The following VSX1 variants were observed in gnomAD, a reference collection of about 807,000 sequenced individuals.
The protein encoded by VSX1 is visual system homeobox 1, also known as homeodomain protein RINX.
In VSX1, 23 loss-of-function variants were observed where a neutral mutation model predicts 23.6. That is an observed-to-expected ratio of 0.97 (90% CI 0.70 to 1.38). VSX1 has a LOEUF of 1.38. Ranked by LOEUF, VSX1 falls within the 40% of genes most tolerant of loss-of-function variation. The pLI is 0.00. For missense variants in VSX1, 517 were observed against 495.4 expected, an observed-to-expected ratio of 1.04 and a Z score of -0.41; for synonymous variants, 247 against 215.1, an observed-to-expected ratio of 1.15 and a Z score of -1.30.
downstream of VSX1, chr20:25,071,864 G>C: frequency 1.4e-6 from 1 of 716,114 alleles, no homozygotes; most frequent in Non-Finnish European, 2.6e-6. Flanking sequence ...TCCTGAGGCA[G>C]AACAATGCTA....
At chr20:25,073,453 T>A (rs2089423596), downstream of VSX1, among the ~76,000 whole-genome samples, 1 of 152,236 alleles carries the variant, frequency 6.6e-6, no homozygotes, top group Admixed American at 6.5e-5. Context: ...ACCTATTGGT[T>A]GGCTGGTTAC....
intron 4 of VSX1, 73 bp from the exon 5 acceptor site, chr20:25,076,623 CT>C: frequency 6.7e-7 from 1 of 1,486,408 alleles, no homozygotes; most frequent in Non-Finnish European, 9.0e-7. Context: ...AAATTTCCTT[CT>C]TATTGTTCTC....
Position 25,076,544 on chromosome 20 carries a change from T to C in VSX1, c.815A>G (p.His272Arg). 1.2e-6 allele frequency: 2 copies of C among 1,600,366 alleles called. No homozygotes were observed. Among genetic ancestry groups the C allele is most frequent in the East Asian group, 4.5e-5 (2 of 44,738 alleles). The change falls in exon 5 of 5, where the codon CAT becomes CGT. Residue 272 changes from histidine (H) to arginine (R), a missense_variant. Physicochemically the swap from His to Arg is conservative, Grantham distance 29 (BLOSUM62 0). Coordinates refer to ENST00000376709, the MANE Select transcript of VSX1 (RefSeq NM_014588.6). ...CCTTATCATCCCCATGGATTTTTTA[T>C]GCATCCCTTGTAAAAAAAAAAATAA... ...GSCAPWLLGM[H>R]KKSMGMIRKP...
At chr20:25,077,581 G>A (rs1453162940) in intron 4 of VSX1, 104 bp downstream of exon 4, 2 of 1,357,098 alleles carry the variant, frequency 1.5e-6, no homozygotes, top group Non-Finnish European at 2.0e-6. Context: ...TCAGTAAACT[G>A]ACGTTGCTTT....
downstream of VSX1, among the ~76,000 whole-genome samples, chr20:25,073,765 T>A (rs2089430357): frequency 6.6e-6 from 1 of 152,180 alleles, no homozygotes; most frequent in Non-Finnish European, 1.5e-5. Flanking sequence ...CCAGTGACCT[T>A]GCAGGGACAA....
At chr20:25,081,272 T>C (rs2089635159) in intron 1 of VSX1, among the ~76,000 whole-genome samples, 1 of 152,212 alleles carries the variant, frequency 6.6e-6, no homozygotes, top group Non-Finnish European at 1.5e-5. Flanking sequence ...TGGTACCTTG[T>C]TCGGTGCTGC....
In VSX1 at chr20:25,077,620, C is replaced by A. The variant is rs894502458; in HGVS notation, c.808+65G>T. 45 of 1,522,124 alleles carry A rather than the reference C, an allele frequency of 3.0e-5. No individual in the cohort carries two copies. The African/African-American group carries it at 4.9e-4, about 17-fold the overall frequency. 94.3% of individuals were successfully genotyped at this position (1,522,124 alleles called of 1,614,324 possible). On this transcript the variant is annotated intron_variant, in intron 4 of 4. Transcript: ENST00000376709. ...TTGGAAATGGCTGCCTCGGTGGGGA[C>A]ACCCTGGGATTCCCCCACCTCCTAC... is the stretch of plus-strand genomic sequence containing the variant.
At position 25,076,039 on chromosome 20, in the gene VSX1, T is replaced by C; in HGVS notation, c.*222A>G. 1 of 615,654 alleles carries C rather than the reference T, an allele frequency of 1.6e-6. No individual in the cohort carries two copies. The highest frequency in any genetic ancestry group is 2.8e-6 in the Non-Finnish European group (1 of 356,782). The allele number at this position is 615,654 out of a possible 1,614,324, so 38.1% of individuals were successfully genotyped here. ...ATCAAAAGTTTTGCACCAAGTTAAC[T>C]GGTTAAAGTGCCATTAAGGAACCGT... On this transcript the variant is annotated 3_prime_UTR_variant, in exon 5 of 5. Coordinates refer to ENST00000376709, the MANE Select transcript of VSX1 (RefSeq NM_014588.6).
chr20:25,080,675 C>G (rs1301229205), intron 1 of VSX1, among the ~76,000 whole-genome samples: 1 of 152,182 alleles, frequency 6.6e-6, no homozygotes. Flanking sequence ...GATTTAGCTG[C>G]CTTTGGTTTT....
chr20:25,074,096 G>C (rs1213279454), downstream of VSX1, among the ~76,000 whole-genome samples: 1 of 152,140 alleles, frequency 6.6e-6, no homozygotes, highest in Admixed American at 6.5e-5. Context: ...GATATTAATA[G>C]AAATGCCAAT....
downstream of VSX1, chr20:25,075,379 T>A (rs530535055): frequency 6.6e-6 from 1 of 152,118 alleles, no homozygotes; most frequent in Non-Finnish European, 1.5e-5. Flanking sequence ...TGTCCCCAGA[T>A]TGAGAAGGGG....
Position 25,079,464 on chromosome 20 carries a change from A to G in VSX1, c.475T>C (p.Leu159=), listed in dbSNP as rs74315434. 8 of 1,612,832 alleles carry G rather than the reference A, an allele frequency of 5.0e-6. No individual in the cohort carries two copies. In the African/African-American group the frequency reaches 1.1e-4, roughly 22 times the overall value. Residue 159 remains leucine (L), a synonymous_variant, in exon 2 of 5, where the codon TTG becomes CTG. Coordinates refer to ENST00000376709, the MANE Select transcript of VSX1 (RefSeq NM_014588.6). ...TGCCGCCGCTTCTTCCTCTTGCCCA[A>G]GGTGGGGGATGCCTTTAGGTCATTC... is the stretch of plus-strand genomic sequence containing the variant. ...DRNDLKASPT[L]GKRKKRRHRT... is the part of the protein sequence containing the mutation.
intron 4 of VSX1, among the ~76,000 whole-genome samples, 156 bp downstream of exon 4, chr20:25,077,528 TG>T (rs1249021134): frequency 6.6e-6 from 1 of 152,216 alleles, no homozygotes; most frequent in Non-Finnish European, 1.5e-5. Flanking sequence ...CTGCAAGCTT[TG>T]TTATTAATTA....
In VSX1 at chr20:25,076,206, A is replaced by G; in HGVS notation, c.*55T>C. 1.2e-6 allele frequency: 2 copies of G among 1,611,440 alleles called. No homozygotes were observed. Among genetic ancestry groups the G allele is most frequent in the Non-Finnish European group, 1.7e-6 (2 of 1,179,232 alleles). The stretch of plus-strand genomic sequence containing the variant: ...CTTGGACAATTTTTGTCTTTTGGAA[A>G]ATGCCAGTGAGGAATATGCACATTT... On this transcript the variant is annotated 3_prime_UTR_variant, in exon 5 of 5. Transcript: ENST00000376709.
At chr20:25,078,578 T>C (rs556144749) in intron 3 of VSX1, 2 of 1,388,184 alleles carry the variant, frequency 1.4e-6, no homozygotes, top group Admixed American at 3.1e-5. Context: ...CATATCTTTA[T>C]AGTTTCTAGT....
chr20:25,077,635 C>T, intron 4 of VSX1, 50 bp downstream of exon 4: 2 of 1,537,456 alleles, frequency 1.3e-6, no homozygotes, highest in Non-Finnish European at 1.7e-6. Flanking sequence ...TGGGATTCCC[C>T]CACCTCCTAC....
At chr20:25,071,633 T>A (rs1441303579), downstream of VSX1, 2 of 562,344 alleles carry the variant, frequency 3.6e-6, no homozygotes, top group Non-Finnish European at 6.7e-6. Flanking sequence ...GAGGGGAGTT[T>A]CTGTAAGAGC....
In VSX1 at chr20:25,081,807, C is replaced by T. The variant is rs2089651963; in HGVS notation, c.290G>A (p.Arg97Gln). The change falls in exon 1 of 5, where the codon CGA (arginine) becomes CAA (glutamine). Residue 97 changes from arginine (R) to glutamine (Q), a missense_variant. By Grantham distance (43) the Arg-to-Gln change is conservative (BLOSUM62 1). Coordinates refer to ENST00000376709, the MANE Select transcript of VSX1 (RefSeq NM_014588.6). ...GTCCGCTAGGAGCAGGCAGGGTGCT[C>T]GAGCGGCCGCCGGCGGCTGCGTGCC... ...GFGTQPPAAA[R>Q]APCLLLADVP... 6.7e-7 allele frequency: 1 copy of T among 1,502,912 alleles called. No individual in the cohort carries two copies. Among genetic ancestry groups the T allele is most frequent in the East Asian group, 2.7e-5 (1 of 37,252 alleles). The allele number at this position is 1,502,912 out of a possible 1,614,324, so 93.1% of individuals were successfully genotyped here.
At chr20:25,071,939 G>A (rs1303071021), downstream of VSX1, 1 of 667,322 alleles carries the variant, frequency 1.5e-6, no homozygotes, top group Non-Finnish European at 2.8e-6. Flanking sequence ...AGGTCATCAG[G>A]CACCACCACG....
Sources: gnomAD v4.1 joint callset for allele counts (sites outside exome capture counted in the v4.1 genomes callset) on GRCh38, gnomAD v4.1.1 for gene constraint, MANE v1.5 for transcripts, NCBI Gene and HGNC (gene_info 2026-07-23, HGNC 2026-07-21) for gene names.